The following DGKD variants were observed in gnomAD, a reference collection of about 807,000 sequenced individuals.
DGKD encodes the protein DAG kinase delta.
DGKD carries 68 observed loss-of-function variants against 154.4 expected under a neutral mutation model. That is an observed-to-expected ratio of 0.44 (90% CI 0.36 to 0.54). The LOEUF (loss-of-function observed/expected upper bound fraction) is 0.54. Ranked by LOEUF, DGKD falls within the 20% of genes least tolerant of loss-of-function variation. DGKD has a pLI of 0.00. For missense variants in DGKD, 1,343 were observed against 1,593.6 expected (o/e 0.84, Z 2.68); for synonymous variants, 693 against 638.0 (o/e 1.09, Z -1.30).
At chr2:233,374,312 A>G (rs12373747) in intron 1 of DGKD, among the ~76,000 whole-genome samples, 17,235 of 148,790 alleles carry the variant, frequency 0.12, 1,226 homozygotes, top group South Asian at 0.34. Flanking sequence ...CAGACTCCCA[A>G]AGTGCTGGGA....
rs529617546 is a variant in DGKD at position 233,371,307 on chromosome 2, AT to A, written c.156+16634del. Among the ~76,000 whole-genome samples the A allele has an allele frequency of 1.4e-4, 21 of 152,296 alleles. No individual in the cohort carries two copies. The South Asian group carries it at 4.3e-3, about 32-fold the overall frequency. On this transcript the variant is annotated intron_variant, in intron 1 of 29. Transcript: ENST00000264057. ...TCCTCAATGACTAACAATGTTGAGC[AT>A]CATTTCATATGTTTATTGACCATTT...
intron 1 of DGKD, among the ~76,000 whole-genome samples, chr2:233,387,545 C>T (rs561764625): frequency 9.2e-5 from 14 of 152,130 alleles, no homozygotes; most frequent in South Asian, 2.1e-4. Context: ...AGAGCAGCTC[C>T]GGGAGAAGTA....
In DGKD at chr2:233,463,087, T is replaced by C. The variant is rs138657051; in HGVS notation, c.3186+352T>C. Reference sequence around the variant, plus strand: ...CTCAGCCCTGCAAAACCGGCTGATATGGCAGCTGTGGGGCTGTTACTGAAT... The same window carrying C: ...CTCAGCCCTGCAAAACCGGCTGATACGGCAGCTGTGGGGCTGTTACTGAAT... On this transcript the variant is annotated intron_variant, in intron 26 of 29. Coordinates refer to ENST00000264057, the MANE Select transcript of DGKD (RefSeq NM_152879.3). Among the ~76,000 whole-genome samples, 10 of 152,280 alleles carry C rather than the reference T, an allele frequency of 6.6e-5. No individual in the cohort carries two copies. In the East Asian group the frequency reaches 1.2e-3, roughly 18 times the overall value.
At chr2:233,417,739 G>T (rs1240718908) in intron 3 of DGKD, among the ~76,000 whole-genome samples, 1 of 152,144 alleles carries the variant, frequency 6.6e-6, no homozygotes, top group Non-Finnish European at 1.5e-5. Context: ...ATATAGACCT[G>T]CGATTCTCAA....
At position 233,445,643 on chromosome 2, in the gene DGKD, G is replaced by T. The variant is rs749508553; in HGVS notation, c.1215G>T (p.Pro405=). The T allele has an allele frequency of 6.2e-7, 1 of 1,610,516 alleles. No homozygotes were observed. The highest frequency in any genetic ancestry group is 8.5e-7 in the Non-Finnish European group (1 of 1,178,316). The change falls in exon 11 of 30, where the codon CCG becomes CCT. Residue 405 remains proline, a synonymous_variant. Coordinates refer to ENST00000264057, the MANE Select transcript of DGKD (RefSeq NM_152879.3). This position sits in a 1 kb window ranked among gnomAD's most constrained non-coding sequence, Gnocchi z 5.5. ...CTTAGTGTCAGCTGGGAGTGCTGCC[G>T]CTCGGCACAGGGAACGACTTGGCCC... The part of the protein sequence containing the change: ...LHKQCQLGVL[P]LGTGNDLARV...
intron 28 of DGKD, among the ~76,000 whole-genome samples, chr2:233,468,040 C>T (rs969114178): frequency 6.6e-6 from 1 of 152,032 alleles, no homozygotes; most frequent in Non-Finnish European, 1.5e-5. Context: ...TCCTGGGACA[C>T]GGGGAAATGA....
chr2:233,392,479 C>G (rs185769550), intron 3 of DGKD: 3 of 152,190 alleles, frequency 2.0e-5, no homozygotes, highest in African/African-American at 2.4e-5. Context: ...GAGAATGTAG[C>G]CTTATTGCAG....
At chr2:233,357,935 A>C (rs1193477745) in intron 1 of DGKD, among the ~76,000 whole-genome samples, 2 of 152,246 alleles carry the variant, frequency 1.3e-5, no homozygotes, top group African/African-American at 4.8e-5. Flanking sequence ...TGTAAAGAGA[A>C]GCCTCTCCAA....
intron 1 of DGKD, among the ~76,000 whole-genome samples, chr2:233,383,051 T>A (rs1298754207): frequency 6.6e-6 from 1 of 151,700 alleles, no homozygotes; most frequent in African/African-American, 2.4e-5. Context: ...TTTCTTTTTT[T>A]TTTTTTGAGA....
At chr2:233,356,654 T>C (rs1701544707) in intron 1 of DGKD, among the ~76,000 whole-genome samples, 1 of 152,168 alleles carries the variant, frequency 6.6e-6, no homozygotes, top group Non-Finnish European at 1.5e-5. Context: ...GCTGTTCTGG[T>C]TGAGGAGGAG....
intron 3 of DGKD, among the ~76,000 whole-genome samples, chr2:233,401,600 G>A (rs1405101273): frequency 6.6e-6 from 1 of 151,996 alleles, no homozygotes; most frequent in Admixed American, 6.6e-5. Context: ...CATTTAGAAG[G>A]GTCATATTCT....
At chr2:233,393,769 C>T (rs746872143) in intron 3 of DGKD, among the ~76,000 whole-genome samples, 19 of 149,872 alleles carry the variant, frequency 1.3e-4, no homozygotes, top group Admixed American at 4.0e-4. Context: ...CTGCAGCCTC[C>T]GCCTCCTGGG....
chr2:233,421,534 C>T (rs1435362778), intron 3 of DGKD, among the ~76,000 whole-genome samples: 1 of 152,248 alleles, frequency 6.6e-6, no homozygotes, highest in African/African-American at 2.4e-5. Context: ...ACCTGCATGG[C>T]CCTCTGTGGT....
rs930153108 is a variant in DGKD at position 233,354,900 on chromosome 2, G to A, written c.156+226G>A. 7.6e-5 allele frequency among the ~76,000 whole-genome samples: 11 copies of A among 145,200 alleles called. No individual in the cohort carries two copies. The highest frequency in any genetic ancestry group is 2.7e-4 in the African/African-American group (11 of 40,288). ...CGGCGGGCGGCTGTGGGGCCGGGCG[G>A]GGGGCGCGCAGGTGGGCGCCCCGGG... On this transcript the variant is annotated intron_variant, in intron 1 of 29. Coordinates refer to ENST00000264057, the MANE Select transcript of DGKD (RefSeq NM_152879.3). This position sits in a 1 kb window ranked among gnomAD's most constrained non-coding sequence, Gnocchi z 4.8.
chr2:233,360,492 A>C (rs1335914371), intron 1 of DGKD, among the ~76,000 whole-genome samples: 1 of 152,126 alleles, frequency 6.6e-6, no homozygotes, highest in Non-Finnish European at 1.5e-5. Context: ...TCCTGGGCTC[A>C]AGCGATCCTC....
rs1016881304 is a variant in DGKD at position 233,441,722 on chromosome 2, C to T, written c.1086-165C>T. Among the ~76,000 whole-genome samples the T allele has an allele frequency of 5.3e-5, 8 of 152,060 alleles. No individual in the cohort carries two copies. The highest frequency in any genetic ancestry group is 4.6e-4 in the Admixed American group (7 of 15,272). ...TGTCGTCCCTTTGACAAAGTGGACC[C>T]TGAGTGGAGGCGGCTGGTGTCACGT... On this transcript the variant is annotated intron_variant, in intron 9 of 29. Transcript: ENST00000264057. The surrounding 1 kb of genome is among the most constrained non-coding windows in gnomAD (Gnocchi z 5.6).
chr2:233,435,841 C>G lies in DGKD; in HGVS notation c.610C>G (p.Arg204Gly). The G allele has an allele frequency of 6.2e-7, 1 of 1,612,626 alleles. No individual in the cohort carries two copies. The highest frequency in any genetic ancestry group is 2.2e-5 in the East Asian group (1 of 44,844). The change falls in exon 6 of 30, where the codon CGC (arginine) becomes GGC (glycine). Residue 204 changes from arginine to glycine, a missense_variant. Physicochemically the swap from Arg to Gly is moderately radical, Grantham distance 125 (BLOSUM62 -2). Coordinates refer to ENST00000264057, the MANE Select transcript of DGKD (RefSeq NM_152879.3). ...AGTGTGCAAATTTAAGGCCCACAAGCGCTGTGCTGTGCGTGCAACCAATAA... is the reference window on the plus strand; with the variant it reads ...AGTGTGCAAATTTAAGGCCCACAAGGGCTGTGCTGTGCGTGCAACCAATAA... Reference protein sequence around the residue: ...CEVCKFKAHKRCAVRATNNCK... With the variant: ...CEVCKFKAHKGCAVRATNNCK...
intron 1 of DGKD, among the ~76,000 whole-genome samples, chr2:233,382,567 C>A (rs973374292): frequency 6.6e-6 from 1 of 152,162 alleles, no homozygotes; most frequent in Non-Finnish European, 1.5e-5. Context: ...TCACCTTGGG[C>A]AGGCTGTGGC....
chr2:233,437,304 A>G lies in DGKD; in HGVS notation c.820-73A>G. The stretch of plus-strand genomic sequence containing the variant: ...CTCCCCCGAGGCCAGCTCATCAGCT[A>G]CAGGGCAGGAGGATTTCTGGTGTGT... On this transcript the variant is annotated intron_variant, in intron 7 of 29. Coordinates refer to ENST00000264057, the MANE Select transcript of DGKD (RefSeq NM_152879.3). 2.8e-6 allele frequency: 4 copies of G among 1,404,754 alleles called. No homozygotes were observed. In the South Asian group the frequency reaches 3.5e-5, roughly 12 times the overall value. 87.0% of individuals were successfully genotyped at this position (1,404,754 alleles called of 1,614,324 possible).
Sources: gnomAD v4.1 joint callset for allele counts (sites outside exome capture counted in the v4.1 genomes callset) on GRCh38, gnomAD v4.1.1 for gene constraint, Gnocchi (gnomAD v3.1) non-coding constraint, MANE v1.5 for transcripts, NCBI Gene and HGNC (gene_info 2026-07-23, HGNC 2026-07-21) for gene names.